DYNC2H1: variants seen among roughly 807,000 people sequenced by gnomAD.
DYNC2H1 encodes the protein cytoplasmic dynein 2 heavy chain 1.
In DYNC2H1, 410 loss-of-function variants were observed where a neutral mutation model predicts 570.0. The observed-to-expected ratio is 0.72, with a 90% CI of 0.66 to 0.78. The LOEUF is 0.78. Among genes scored for constraint, DYNC2H1 ranks in the 30% least tolerant of loss-of-function variants. DYNC2H1 has a pLI of 0.00. For synonymous variants in DYNC2H1, 1,688 were observed against 1,677.6 expected (o/e 1.01, Z -0.15); for missense variants, 4,865 against 5,046.4 (o/e 0.96, Z 1.09).
At chr11:103,405,068 A>G (rs944071169) in intron 84 of DYNC2H1, 1 of 151,700 alleles carries the variant, frequency 6.6e-6, no homozygotes, top group African/African-American at 2.4e-5. Context: ...TTTTTTCAGA[A>G]TAATATGTTG....
chr11:103,416,124 G>C (rs1208711730), intron 84 of DYNC2H1, among the ~76,000 whole-genome samples: 2 of 152,134 alleles, frequency 1.3e-5, no homozygotes, highest in African/African-American at 4.8e-5. Context: ...CACAGGAAGG[G>C]AACCATCACA....
rs1003478922 is a variant in DYNC2H1 at position 103,331,090 on chromosome 11, C to A, written c.12039+7100C>A. ...TATGAAATCTAAGGAGATGCAGTTG[C>A]CTAAAAAGAAGTGACACAACACAAA... On this transcript the variant is annotated intron_variant, in intron 82 of 88. Transcript: ENST00000375735. Among the ~76,000 whole-genome samples, 7 of 152,182 alleles carry A rather than the reference C, an allele frequency of 4.6e-5. No homozygotes were observed. The East Asian group carries it at 1.4e-3, about 29-fold the overall frequency.
intron 85 of DYNC2H1, among the ~76,000 whole-genome samples, chr11:103,445,439 G>T (rs1391905186): frequency 2.0e-5 from 3 of 152,144 alleles, no homozygotes; most frequent in Admixed American, 2.0e-4. Flanking sequence ...GAATATTAAT[G>T]TGAGTAAACA....
intron 85 of DYNC2H1, among the ~76,000 whole-genome samples, chr11:103,454,289 T>TTTAATCGCTGACATTA (rs1417504950): frequency 6.6e-6 from 1 of 152,160 alleles, no homozygotes; most frequent in Non-Finnish European, 1.5e-5. Flanking sequence ...TCTGTACGTT[T>TTTAATCGCTGACATTA]TTAATCGCTG....
chr11:103,426,242 C>T (rs1943668129), intron 84 of DYNC2H1, among the ~76,000 whole-genome samples: 1 of 152,176 alleles, frequency 6.6e-6, no homozygotes, highest in Non-Finnish European at 1.5e-5. Context: ...TTATCACTGG[C>T]TTGCTGTCAG....
intron 39 of DYNC2H1, 65 bp downstream of exon 39, chr11:103,179,298 A>T: frequency 6.9e-7 from 1 of 1,459,386 alleles, no homozygotes. Flanking sequence ...GTTTCATATT[A>T]AGTAAAATAA....
At position 103,261,082 on chromosome 11, in the gene DYNC2H1, A is replaced by G. The variant is rs533447276; in HGVS notation, c.10695+1105A>G. The stretch of plus-strand genomic sequence containing the variant: ...AAAAATATACAGTTAATGTATTTTT[A>G]GAACAGGATAGTAATTTTTGTGATT... On this transcript the variant is annotated intron_variant, in intron 70 of 88. Transcript: ENST00000375735. The surrounding 1 kb of genome is among the most constrained non-coding windows in gnomAD (Gnocchi z 4.8). Among the ~76,000 whole-genome samples the G allele has an allele frequency of 6.6e-6, 1 of 152,366 alleles. No individual in the cohort carries two copies. Among genetic ancestry groups the G allele is most frequent in the East Asian group, 1.9e-4 (1 of 5,190 alleles).
chr11:103,246,846 A>G (rs1475834374), intron 65 of DYNC2H1, among the ~76,000 whole-genome samples: 4 of 152,044 alleles, frequency 2.6e-5, no homozygotes, highest in Non-Finnish European at 4.4e-5. Context: ...AGATATACAA[A>G]TTACTTTTCT....
intron 32 of DYNC2H1, 26 bp downstream of exon 32, chr11:103,168,986 T>TTGTGG: frequency 2.0e-6 from 3 of 1,534,174 alleles, no homozygotes; most frequent in Non-Finnish European, 2.6e-6. Context: ...GTGTTTTATA[T>TTGTGG]TTCCAATTAG....
intron 75 of DYNC2H1, among the ~76,000 whole-genome samples, chr11:103,288,823 A>G (rs117793892): frequency 0.052 from 7,690 of 148,728 alleles, 253 homozygotes; most frequent in Non-Finnish European, 0.075. Context: ...GGAGGTTGCA[A>G]TGAGGAGATA....
At position 103,245,994 on chromosome 11, in the gene DYNC2H1, GATGTT is replaced by G. The variant is rs986455904; in HGVS notation, c.10042+623_10042+627del. ...CACAGCAAACTTTAAATAGAAAATT[GATGTT>G]ATTGGGGCAACGCAGAGAAATAGCA... On this transcript the variant is annotated intron_variant, in intron 65 of 88. Coordinates refer to ENST00000375735, the MANE Select transcript of DYNC2H1 (RefSeq NM_001377.3). This position sits in a 1 kb window ranked among gnomAD's most constrained non-coding sequence, Gnocchi z 4.5. 3.3e-5 allele frequency among the ~76,000 whole-genome samples: 5 copies of G among 152,062 alleles called. No individual in the cohort carries two copies. Among genetic ancestry groups the G allele is most frequent in the Admixed American group, 3.3e-4 (5 of 15,232 alleles).
chr11:103,155,529 T>A (rs183927413), intron 25 of DYNC2H1, 28 bp downstream of exon 25: 1 of 1,586,920 alleles, frequency 6.3e-7, no homozygotes, highest in East Asian at 2.3e-5. Context: ...AAATATCCCA[T>A]AAGTCTGGCC....
Position 103,479,158 on chromosome 11 carries a change from A to G in DYNC2H1, c.12829A>G (p.Arg4277Gly), listed in dbSNP as rs368654019. The G allele has an allele frequency of 4.3e-5, 69 of 1,613,716 alleles. No individual in the cohort carries two copies. Among genetic ancestry groups the G allele is most frequent in the Non-Finnish European group, 5.6e-5 (66 of 1,179,798 alleles). ...ISLPVYTSAE[R>G]DRVVTNIDVP... ...TTTGCCTGTTTACACAAGTGCTGAAAGGGATCGTGTGGTTACCAATATTGA... is the reference window on the plus strand; with the variant it reads ...TTTGCCTGTTTACACAAGTGCTGAAGGGGATCGTGTGGTTACCAATATTGA... Residue 4277 changes from arginine (R) to glycine (G), a missense_variant, in exon 89 of 89, where the codon AGG (arginine) becomes GGG (glycine). By Grantham distance (125) the Arg-to-Gly change is moderately radical. Around this residue, in one of 5 missense-constraint regions of DYNC2H1, gnomAD observed 2,401 missense variants for 2,454.6 expected, o/e 0.98. Transcript: ENST00000375735.
intron 75 of DYNC2H1, among the ~76,000 whole-genome samples, chr11:103,297,860 C>T (rs1262887831): frequency 6.6e-6 from 1 of 152,076 alleles, no homozygotes; most frequent in African/African-American, 2.4e-5. Flanking sequence ...TCAATTACTG[C>T]CATACCTTTT....
intron 21 of DYNC2H1, 65 bp downstream of exon 21, chr11:103,152,350 C>CTTTTA (rs1860602247): frequency 7.0e-7 from 1 of 1,425,556 alleles, no homozygotes; most frequent in Admixed American, 2.4e-5. Context: ...TCTTGCTTAT[C>CTTTTA]TTTTATTCCT....
rs1472422709 is a variant in DYNC2H1, at chr11:103,252,023, C to G, written c.10043-1262C>G. ...CACTGTAACCTCGAACTCCTGGGCTCAAATGATCCTCTGGCCTCAGCCTCC... is the reference window on the plus strand; with the variant it reads ...CACTGTAACCTCGAACTCCTGGGCTGAAATGATCCTCTGGCCTCAGCCTCC... On this transcript the variant is annotated intron_variant, in intron 65 of 88. Coordinates refer to ENST00000375735, the MANE Select transcript of DYNC2H1 (RefSeq NM_001377.3). The surrounding 1 kb of genome is among the most constrained non-coding windows in gnomAD (Gnocchi z 4.6). Among the ~76,000 whole-genome samples the G allele has an allele frequency of 6.6e-6, 1 of 151,904 alleles. No individual in the cohort carries two copies. Among genetic ancestry groups the G allele is most frequent in the Non-Finnish European group, 1.5e-5 (1 of 67,996 alleles).
chr11:103,376,187 G>A (rs1941383316), intron 83 of DYNC2H1, among the ~76,000 whole-genome samples: 1 of 152,160 alleles, frequency 6.6e-6, no homozygotes, highest in African/African-American at 2.4e-5. Context: ...TAAATTTCCT[G>A]AGGCCTCCCC....
chr11:103,345,554 T>A (rs1939702147), intron 82 of DYNC2H1, among the ~76,000 whole-genome samples: 1 of 152,172 alleles, frequency 6.6e-6, no homozygotes, highest in Non-Finnish European at 1.5e-5. Flanking sequence ...TGATTCACAT[T>A]TTTTATTGCT....
chr11:103,451,479 C>T (rs1013783184), intron 85 of DYNC2H1, among the ~76,000 whole-genome samples: 4 of 151,836 alleles, frequency 2.6e-5, no homozygotes, highest in Admixed American at 6.6e-5. Context: ...GCTACAGGCG[C>T]GTGCCACCAC....
Sources: gnomAD v4.1 joint callset for allele counts (sites outside exome capture counted in the v4.1 genomes callset) on GRCh38, gnomAD v4.1.1 for gene constraint, gnomAD v4.1.1 regional missense constraint, Gnocchi (gnomAD v3.1) non-coding constraint, MANE v1.5 for transcripts, NCBI Gene and HGNC (gene_info 2026-07-23, HGNC 2026-07-21) for gene names.